The following WDR41 variants were observed in gnomAD, a reference collection of about 807,000 sequenced individuals.
WDR41 encodes WD repeat domain 41, also known as WD repeat-containing protein 41.
A neutral mutation model predicts 69.3 loss-of-function variants in WDR41; 63 were observed. The observed-to-expected ratio is 0.91, with a 90% CI of 0.74 to 1.12. The LOEUF (loss-of-function observed/expected upper bound fraction) is 1.12, where lower values mean the gene tolerates loss of function less well. Among genes scored for constraint, WDR41 ranks in the 50% most tolerant of loss-of-function variants. The pLI, the probability that WDR41 is intolerant of heterozygous loss-of-function variation, is 0.00. For missense variants in WDR41, 543 were observed against 534.5 expected, an observed-to-expected ratio of 1.02 and a Z score of -0.16; for synonymous variants, 185 against 192.1, an observed-to-expected ratio of 0.96 and a Z score of 0.31.
At chr5:77,602,592 T>C (rs897603097) in intron 1 of WDR41, among the ~76,000 whole-genome samples, 1 of 152,212 alleles carries the variant, frequency 6.6e-6, no homozygotes, top group East Asian at 1.9e-4. Context: ...GATTTTTTTT[T>C]CTATGATCAA....
intron 1 of WDR41, among the ~76,000 whole-genome samples, chr5:77,560,549 A>C (rs1163029149): frequency 6.6e-6 from 1 of 152,184 alleles, no homozygotes; most frequent in Non-Finnish European, 1.5e-5. Context: ...GAAAAGCCAG[A>C]GTTTTTAAAT....
At chr5:77,465,478 G>T (rs1346331018) in intron 2 of WDR41, among the ~76,000 whole-genome samples, 1 of 152,006 alleles carries the variant, frequency 6.6e-6, no homozygotes, top group Non-Finnish European at 1.5e-5. Context: ...CTGTAGAGTA[G>T]AAGATATTCT....
chr5:77,436,527 C>T, intron 11 of WDR41, 133 bp from the exon 12 acceptor site: 3 of 1,060,630 alleles, frequency 2.8e-6, no homozygotes, highest in South Asian at 1.6e-5. Flanking sequence ...TACCTGAGCA[C>T]CGTGCTAGGG....
At chr5:77,571,422 A>C (rs1405658683) in intron 1 of WDR41, among the ~76,000 whole-genome samples, 1 of 152,166 alleles carries the variant, frequency 6.6e-6, no homozygotes, top group Non-Finnish European at 1.5e-5. Context: ...AGGAGGATGC[A>C]ATTAAAAATG....
intron 1 of WDR41, among the ~76,000 whole-genome samples, chr5:77,578,806 G>A (rs1443320300): frequency 2.2e-5 from 3 of 138,878 alleles, no homozygotes; most frequent in African/African-American, 8.1e-5. Context: ...AGAGGTTGCA[G>A]TAAGCCAAGA....
At chr5:77,465,632 A>T (rs1800270845) in intron 2 of WDR41, among the ~76,000 whole-genome samples, 1 of 152,068 alleles carries the variant, frequency 6.6e-6, no homozygotes, top group Non-Finnish European at 1.5e-5. Flanking sequence ...ATTTACTGTT[A>T]ATGTCATCCA....
rs2151276208 is a variant in WDR41 at position 77,431,399 on chromosome 5, C to T, written c.*1736G>A. 1 of 152,276 alleles carries T rather than the reference C, an allele frequency of 6.6e-6. No homozygotes were observed. The highest frequency in any genetic ancestry group is 2.1e-4 in the South Asian group (1 of 4,820). 9.4% of individuals were successfully genotyped at this position (152,276 alleles called of 1,614,324 possible). A position where few individuals can be genotyped will look rare whatever the true frequency, so the allele number is the denominator to read the frequency against. ...CAATAAAGTATTCTTAAGGTATGTA[C>T]ATTTTTTAGAAATTTAAGACTGTAG... On this transcript the variant is annotated 3_prime_UTR_variant, in exon 13 of 13. Coordinates refer to ENST00000296679, the MANE Select transcript of WDR41 (RefSeq NM_018268.4).
intron 1 of WDR41, among the ~76,000 whole-genome samples, chr5:77,592,982 A>G (rs1338761460): frequency 3.9e-5 from 6 of 152,324 alleles, no homozygotes; most frequent in Admixed American, 1.3e-4. Flanking sequence ...CATGACCCAC[A>G]TTCCCAGGTA....
At chr5:77,531,542 A>G (rs984691397) in intron 1 of WDR41, among the ~76,000 whole-genome samples, 4 of 151,996 alleles carry the variant, frequency 2.6e-5, no homozygotes, top group African/African-American at 9.7e-5. Context: ...ACCCTTGTAC[A>G]TTGGTAGTGG....
At chr5:77,480,992 C>T (rs1323569264) in intron 2 of WDR41, among the ~76,000 whole-genome samples, 2 of 151,798 alleles carry the variant, frequency 1.3e-5, no homozygotes, top group Non-Finnish European at 2.9e-5. Flanking sequence ...ATGAATTAGG[C>T]ATGCTCAGTT....
At chr5:77,468,267 T>C (rs955885750) in intron 2 of WDR41, among the ~76,000 whole-genome samples, 2 of 152,078 alleles carry the variant, frequency 1.3e-5, no homozygotes, top group African/African-American at 4.8e-5. Context: ...TATAGATGCT[T>C]AAACCTAAGA....
At chr5:77,472,135 A>G (rs1225867288) in intron 2 of WDR41, among the ~76,000 whole-genome samples, 1 of 152,244 alleles carries the variant, frequency 6.6e-6, no homozygotes, top group Non-Finnish European at 1.5e-5. Context: ...AAATCAATAA[A>G]CATAATTCAG....
chr5:77,487,928 T>C (rs977483939), intron 2 of WDR41, among the ~76,000 whole-genome samples: 15 of 152,214 alleles, frequency 9.9e-5, no homozygotes, highest in Admixed American at 9.8e-4. Flanking sequence ...TACACACTGA[T>C]GTTCCAAGAG....
Position 77,445,095 on chromosome 5 carries a change from G to A in WDR41, c.698-4098C>T, listed in dbSNP as rs1029054033. Among the ~76,000 whole-genome samples the A allele has an allele frequency of 5.3e-5, 8 of 152,120 alleles. No individual in the cohort carries two copies. In the East Asian group the frequency reaches 1.5e-3, roughly 29 times the overall value. On this transcript the variant is annotated intron_variant, in intron 8 of 12. Coordinates refer to ENST00000296679, the MANE Select transcript of WDR41 (RefSeq NM_018268.4). ...ATAGACACAATAAAAGATGATAAAGGGGACAGCACCACTGATCCCACAGAA... is the reference window on the plus strand; with the variant it reads ...ATAGACACAATAAAAGATGATAAAGAGGACAGCACCACTGATCCCACAGAA...
At chr5:77,433,368 G>A in intron 12 of WDR41, 81 bp from the exon 13 acceptor site, 1 of 1,340,446 alleles carries the variant, frequency 7.5e-7, no homozygotes, top group Non-Finnish European at 1.0e-6. Flanking sequence ...ATGTGCGTGT[G>A]AGATATGTGC....
chr5:77,565,045 G>A lies in WDR41; in HGVS notation c.42+55434C>T, dbSNP rs151104650. On this transcript the variant is annotated intron_variant, in intron 1 of 5. Coordinates refer to the WDR41 transcript ENST00000509971. ...CTCATGACCTCAAGCCTGGAATGAG[G>A]CAGTGGGCTCCCAGCTCAGTACTTC... is the stretch of plus-strand genomic sequence containing the variant. Among the ~76,000 whole-genome samples, 660 of 152,158 alleles carry A rather than the reference G, an allele frequency of 4.3e-3. 7 individuals carry two copies. The highest frequency in any genetic ancestry group is 0.038 in the South Asian group (181 of 4,810).
At chr5:77,571,113 A>G (rs1743725509) in intron 1 of WDR41, among the ~76,000 whole-genome samples, 1 of 152,206 alleles carries the variant, frequency 6.6e-6, no homozygotes, top group Non-Finnish European at 1.5e-5. Context: ...GTGTCAATGA[A>G]TGCTCCACTG....
intron 5 of WDR41, among the ~76,000 whole-genome samples, chr5:77,455,399 T>G (rs1240848562): frequency 6.6e-6 from 1 of 152,204 alleles, no homozygotes; most frequent in Non-Finnish European, 1.5e-5. Flanking sequence ...AATTTGAAAA[T>G]ATTTTCTCCA....
At chr5:77,520,304 CTA>C (rs1206814095) in intron 1 of WDR41, among the ~76,000 whole-genome samples, 1 of 152,130 alleles carries the variant, frequency 6.6e-6, no homozygotes, top group African/African-American at 2.4e-5. Flanking sequence ...TGATTCTATG[CTA>C]TGATTGATAA....
Sources: gnomAD v4.1 joint callset for allele counts (sites outside exome capture counted in the v4.1 genomes callset) on GRCh38, gnomAD v4.1.1 for gene constraint, MANE v1.5 for transcripts, NCBI Gene and HGNC (gene_info 2026-07-23, HGNC 2026-07-21) for gene names.